Variants in WDR7 observed in about 807,000 individuals in gnomAD.
The protein encoded by WDR7 is WD repeat-containing protein 7.
WDR7 carries 46 observed loss-of-function variants against 169.4 expected under a neutral mutation model. The ratio of observed to expected loss-of-function variants is 0.27; its 90% CI spans 0.21 to 0.35. The LOEUF (loss-of-function observed/expected upper bound fraction) is 0.35, where lower values mean the gene tolerates loss of function less well. Ranked by LOEUF, WDR7 falls within the 10% of genes least tolerant of loss-of-function variation. The probability of loss-of-function intolerance (pLI) is 1.00; values close to 1 mark genes in which losing one functional copy is unlikely to be tolerated. For synonymous variants in WDR7, 612 were observed against 666.8 expected (o/e 0.92, Z 1.27); for missense variants, 1,534 against 1,859.3 (o/e 0.83, Z 3.22).
At chr18:56,724,479 A>G (rs2026397403) in intron 13 of WDR7, among the ~76,000 whole-genome samples, 1 of 151,748 alleles carries the variant, frequency 6.6e-6, no homozygotes, top group Non-Finnish European at 1.5e-5. Flanking sequence ...CCCAAAGTGC[A>G]GGGGTTACAG....
At chr18:56,686,566 C>T (rs377363036) in intron 6 of WDR7, among the ~76,000 whole-genome samples, 166 of 152,062 alleles carry the variant, frequency 1.1e-3, no homozygotes, top group African/African-American at 4.0e-3. Context: ...CATATAGCTA[C>T]AAAAATTAGG....
At chr18:56,740,332 C>T (rs1009445017) in intron 14 of WDR7, among the ~76,000 whole-genome samples, 4 of 151,982 alleles carry the variant, frequency 2.6e-5, no homozygotes, top group Admixed American at 6.6e-5. Context: ...TTTTCTTGAA[C>T]ATATTAATCC....
intron 20 of WDR7, among the ~76,000 whole-genome samples, chr18:56,831,055 A>G (rs1301959914): frequency 6.6e-6 from 1 of 152,188 alleles, no homozygotes; most frequent in Non-Finnish European, 1.5e-5. Flanking sequence ...TAGCCAGACT[A>G]AACTTTGTAC....
At chr18:56,705,204 T>G (rs963359919) in intron 12 of WDR7, among the ~76,000 whole-genome samples, 2 of 152,172 alleles carry the variant, frequency 1.3e-5, no homozygotes, top group African/African-American at 2.4e-5. Flanking sequence ...TTCAGTTTGG[T>G]GCAACATATT....
At position 56,992,802 on chromosome 18, in the gene WDR7, G is replaced by A. The variant is rs184752575; in HGVS notation, c.4165-27943G>A. ...TCCCAAATATTTCACTGAACTAGAA[G>A]TTCAGGGATACGATAGTTAAAAGAA... On this transcript the variant is annotated intron_variant, in intron 26 of 27. Coordinates refer to ENST00000254442, the MANE Select transcript of WDR7 (RefSeq NM_015285.3). 5.9e-5 allele frequency among the ~76,000 whole-genome samples: 9 copies of A among 152,270 alleles called. No individual in the cohort carries two copies. The East Asian group carries it at 1.7e-3, about 29-fold the overall frequency.
chr18:56,686,125 G>A, intron 6 of WDR7, 93 bp downstream of exon 6: 4 of 1,041,022 alleles, frequency 3.8e-6, no homozygotes, highest in East Asian at 2.8e-5. Context: ...TTTTTTAAGG[G>A]GGAAGGAAAA....
intron 26 of WDR7, among the ~76,000 whole-genome samples, chr18:56,990,075 A>G (rs2047788108): frequency 6.6e-6 from 1 of 152,234 alleles, no homozygotes. Flanking sequence ...TTTTAAAAAG[A>G]TTAGGCCATC....
intron 16 of WDR7, among the ~76,000 whole-genome samples, chr18:56,762,498 A>G (rs944255035): frequency 6.6e-6 from 1 of 151,760 alleles, no homozygotes; most frequent in Admixed American, 6.5e-5. Context: ...AGTTTTGTTA[A>G]GTAGTACATA....
chr18:56,803,941 G>C (rs2044722493), intron 19 of WDR7, among the ~76,000 whole-genome samples: 1 of 152,146 alleles, frequency 6.6e-6, no homozygotes, highest in African/African-American at 2.4e-5. Context: ...GATTACAGGT[G>C]TGCACCACTG....
At chr18:56,924,345 A>G (rs1021866611) in intron 22 of WDR7, among the ~76,000 whole-genome samples, 10 of 152,144 alleles carry the variant, frequency 6.6e-5, no homozygotes, top group Admixed American at 6.6e-4. Flanking sequence ...TAGTTTTCCA[A>G]TTGTATTTGT....
intron 1 of WDR7, among the ~76,000 whole-genome samples, chr18:56,671,733 G>A (rs1446993724): frequency 1.3e-5 from 2 of 152,202 alleles, no homozygotes; most frequent in African/African-American, 4.8e-5. Flanking sequence ...GTTCTGATCT[G>A]GGCTCCATCA....
chr18:56,728,920 C>T (rs2026521206), intron 13 of WDR7, among the ~76,000 whole-genome samples: 1 of 152,116 alleles, frequency 6.6e-6, no homozygotes, highest in Non-Finnish European at 1.5e-5. Context: ...TGCTGCAGGC[C>T]CGCTTTTCAC....
At chr18:56,733,451 A>G (rs891912747) in intron 14 of WDR7, among the ~76,000 whole-genome samples, 19 of 152,188 alleles carry the variant, frequency 1.2e-4, no homozygotes, top group African/African-American at 3.9e-4. Context: ...GAGCTTCTCA[A>G]TGGTACAGGA....
intron 14 of WDR7, among the ~76,000 whole-genome samples, chr18:56,732,305 A>T (rs1044384900): frequency 1.3e-5 from 2 of 152,220 alleles, no homozygotes; most frequent in African/African-American, 4.8e-5. Context: ...CTAGTAATGG[A>T]TAAATCAAAC....
intron 26 of WDR7, among the ~76,000 whole-genome samples, chr18:57,002,989 C>A (rs1037573440): frequency 2.0e-5 from 3 of 152,104 alleles, no homozygotes; most frequent in Admixed American, 2.0e-4. Flanking sequence ...TGCAAAGATG[C>A]CTGACTTTAA....
Position 56,784,715 on chromosome 18 carries a change from G to T in WDR7, c.3190+3059G>T, listed in dbSNP as rs575533608. Among the ~76,000 whole-genome samples the T allele has an allele frequency of 1.1e-3, 169 of 152,130 alleles. 1 individual carries two copies. The highest frequency in any genetic ancestry group is 4.0e-3 in the African/African-American group (165 of 41,474). ...ATTGTAAGAAAATGACTCTTTGATG[G>T]GTCTGGTCACTGTTTAAGTATAAAG... On this transcript the variant is annotated intron_variant, in intron 19 of 27. Coordinates refer to ENST00000254442, the MANE Select transcript of WDR7 (RefSeq NM_015285.3).
intron 19 of WDR7, among the ~76,000 whole-genome samples, chr18:56,782,974 A>G (rs2044342125): frequency 6.6e-6 from 1 of 152,172 alleles, no homozygotes; most frequent in Non-Finnish European, 1.5e-5. Context: ...TAGTAAGCAT[A>G]ATACTTTTGT....
At chr18:56,843,893 C>A (rs7240972) in intron 20 of WDR7, among the ~76,000 whole-genome samples, 1 of 144,390 alleles carries the variant, frequency 6.9e-6, no homozygotes, top group Non-Finnish European at 1.5e-5. Flanking sequence ...GATGGAGTCT[C>A]GCTGTGTTGC....
chr18:57,033,291 A>G (rs2048452001), downstream of WDR7: 1 of 152,166 alleles, frequency 6.6e-6, no homozygotes, highest in Admixed American at 6.5e-5. Context: ...TAAAAAATAA[A>G]TAGGAATTAA....
Sources: gnomAD v4.1 joint callset for allele counts (sites outside exome capture counted in the v4.1 genomes callset) on GRCh38, gnomAD v4.1.1 for gene constraint, MANE v1.5 for transcripts, NCBI Gene and HGNC (gene_info 2026-07-23, HGNC 2026-07-21) for gene names.